Variants in AP1M1 observed in about 807,000 individuals in gnomAD.
AP1M1 encodes the protein AP-1 complex subunit mu-1.
A neutral mutation model predicts 57.1 loss-of-function variants in AP1M1; 18 were observed. The ratio of observed to expected loss-of-function variants is 0.32; its 90% CI spans 0.22 to 0.47. AP1M1 has a LOEUF of 0.47. Ranked by LOEUF, AP1M1 falls within the 20% of genes least tolerant of loss-of-function variation. The pLI, the probability that AP1M1 is intolerant of heterozygous loss-of-function variation, is 1.00. For synonymous variants in AP1M1, 241 were observed against 237.9 expected (o/e 1.01, Z -0.12); for missense variants, 362 against 593.5 (o/e 0.61, Z 4.05).
chr19:16,228,046 G>A lies in AP1M1; in HGVS notation c.817-91G>A, dbSNP rs2091578892. The A allele has an allele frequency of 1.5e-6, 2 of 1,326,774 alleles. No homozygotes were observed. The highest frequency in any genetic ancestry group is 2.1e-6 in the Non-Finnish European group (2 of 938,268). 82.2% of individuals were successfully genotyped at this position (1,326,774 alleles called of 1,614,324 possible). A position where few individuals can be genotyped will look rare whatever the true frequency, so the allele number is the denominator to read the frequency against. ...GCTCTGGGCCCACACCTGGGCAGAT[G>A]GTCCCTTGCCCTGGGCCTTGGTTTC... is the stretch of plus-strand genomic sequence containing the variant. On this transcript the variant is annotated intron_variant, in intron 7 of 11. Coordinates refer to ENST00000291439, the MANE Select transcript of AP1M1 (RefSeq NM_032493.4). The surrounding 1 kb of genome is among the most constrained non-coding windows in gnomAD (Gnocchi z 5.0).
At chr19:16,233,743 C>T (rs1188689354) in intron 10 of AP1M1, 125 bp downstream of exon 10, 9 of 1,281,006 alleles carry the variant, frequency 7.0e-6, no homozygotes, top group Non-Finnish European at 8.4e-6. Context: ...GTGCTGTGGG[C>T]CTCTGCCTCC....
intron 5 of AP1M1, among the ~76,000 whole-genome samples, chr19:16,217,268 G>T (rs1425788740): frequency 6.6e-6 from 1 of 152,080 alleles, no homozygotes; most frequent in African/African-American, 2.4e-5. Flanking sequence ...GCTCTATGCT[G>T]CCAACACTCT....
At chr19:16,199,430 G>A (rs979869768) in intron 1 of AP1M1, among the ~76,000 whole-genome samples, 101 of 152,338 alleles carry the variant, frequency 6.6e-4, no homozygotes, top group Admixed American at 6.6e-3. Context: ...GCAGGTGGCT[G>A]CCTGGCCTGT....
chr19:16,204,609 G>A (rs1009848955), intron 2 of AP1M1, among the ~76,000 whole-genome samples: 9 of 152,192 alleles, frequency 5.9e-5, no homozygotes, highest in Non-Finnish European at 1.2e-4. Context: ...TGTGGCCAAC[G>A]GGCCAGAATA....
chr19:16,203,335 C>A lies in AP1M1; in HGVS notation c.43-124C>A. On this transcript the variant is annotated intron_variant, in intron 1 of 11. Coordinates refer to ENST00000291439, the MANE Select transcript of AP1M1 (RefSeq NM_032493.4). The surrounding 1 kb of genome is among the most constrained non-coding windows in gnomAD (Gnocchi z 4.6). ...AACGGCCTCAAGTCCTGCTCTTTTG[C>A]GGATAGTGGCCATGACCGGAGTCCC... 7 of 929,396 alleles carry A rather than the reference C, an allele frequency of 7.5e-6. No individual in the cohort carries two copies. The South Asian group carries it at 9.3e-5, about 12-fold the overall frequency. 57.6% of individuals were successfully genotyped at this position (929,396 alleles called of 1,614,324 possible). A position where few individuals can be genotyped will look rare whatever the true frequency, so the allele number is the denominator to read the frequency against.
intron 2 of AP1M1, among the ~76,000 whole-genome samples, chr19:16,205,320 C>T (rs1218193321): frequency 1.3e-5 from 2 of 152,166 alleles, no homozygotes; most frequent in African/African-American, 2.4e-5. Flanking sequence ...TAGTGGACAT[C>T]GTTTCACCCC....
intron 9 of AP1M1, among the ~76,000 whole-genome samples, chr19:16,230,392 G>A (rs931985584): frequency 7.0e-6 from 1 of 142,664 alleles, no homozygotes; most frequent in African/African-American, 2.6e-5. Flanking sequence ...TCAGACTACA[G>A]TATACGGTAA....
intron 9 of AP1M1, among the ~76,000 whole-genome samples, chr19:16,229,837 A>G (rs1474584063): frequency 6.6e-6 from 1 of 152,120 alleles, no homozygotes; most frequent in Non-Finnish European, 1.5e-5. Context: ...ATTATGTGCA[A>G]GTAGAGCCAG....
intron 9 of AP1M1, 91 bp from the exon 10 acceptor site, chr19:16,233,402 G>A: frequency 2.8e-6 from 4 of 1,430,348 alleles, no homozygotes; most frequent in Non-Finnish European, 3.7e-6. Flanking sequence ...GGGGTGAGTG[G>A]TCAGTCTCTG....
At chr19:16,215,288 T>C (rs571609042) in intron 5 of AP1M1, among the ~76,000 whole-genome samples, 1 of 125,558 alleles carries the variant, frequency 8.0e-6, no homozygotes, top group Non-Finnish European at 1.7e-5. Context: ...TGGTGAAACC[T>C]GGTCTCTACT....
chr19:16,202,220 C>T (rs2091451615), intron 1 of AP1M1, among the ~76,000 whole-genome samples: 1 of 152,160 alleles, frequency 6.6e-6, no homozygotes, highest in Non-Finnish European at 1.5e-5. Context: ...AGTTCTGAGG[C>T]AGGTGGTTCC....
intron 5 of AP1M1, among the ~76,000 whole-genome samples, chr19:16,214,052 CTTT>C (rs71178658): frequency 2.2e-5 from 3 of 139,506 alleles, no homozygotes; most frequent in Admixed American, 7.3e-5. Flanking sequence ...TTTCCTTTTT[CTTT>C]TTTTTTTTTT....
intron 5 of AP1M1, among the ~76,000 whole-genome samples, chr19:16,210,127 G>C (rs2091487467): frequency 6.6e-6 from 1 of 152,198 alleles, no homozygotes; most frequent in African/African-American, 2.4e-5. Flanking sequence ...ATACAGTCAT[G>C]AGCTCTCGAG....
Position 16,226,413 on chromosome 19 carries a change from A to T in AP1M1, c.547-8A>T, listed in dbSNP as rs1599464522. ...GACCTCCCCTCACGCCCACACCGCC[A>T]CCCCCAGGTCAGCGCCAACGGCAAT... is the stretch of plus-strand genomic sequence containing the variant. On this transcript the variant is annotated splice_polypyrimidine_tract_variant and splice_region_variant and intron_variant, in intron 5 of 11. Coordinates refer to ENST00000291439, the MANE Select transcript of AP1M1 (RefSeq NM_032493.4). 1 of 1,525,704 alleles carries T rather than the reference A, an allele frequency of 6.6e-7. No homozygotes were observed. The allele number at this position is 1,525,704 out of a possible 1,614,324, so 94.5% of individuals were successfully genotyped here.
In AP1M1 at chr19:16,206,343, G is replaced by A; in HGVS notation, c.202G>A (p.Val68Ile). The A allele has an allele frequency of 6.2e-7, 1 of 1,614,144 alleles. No individual in the cohort carries two copies. Among genetic ancestry groups the A allele is most frequent in the Non-Finnish European group, 8.5e-7 (1 of 1,180,006 alleles). ...MWIKHNNLYL[V>I]ATSKKNACVS... ...CCTTAACTGTGGCCGCCATGCAGTGGTTGCCACATCCAAGAAGAACGCGTG... is the reference window on the plus strand; with the variant it reads ...CCTTAACTGTGGCCGCCATGCAGTGATTGCCACATCCAAGAAGAACGCGTG... The change falls in exon 3 of 12, where the codon GTT (valine) becomes ATT (isoleucine). Residue 68 changes from valine (V) to isoleucine (I), a missense_variant and splice_region_variant. Around this residue, in one of 2 missense-constraint regions of AP1M1, gnomAD observed 337 missense variants for 511.1 expected, o/e 0.66. Coordinates refer to ENST00000291439, the MANE Select transcript of AP1M1 (RefSeq NM_032493.4). The surrounding 1 kb of genome is among the most constrained non-coding windows in gnomAD (Gnocchi z 4.3).
intron 5 of AP1M1, among the ~76,000 whole-genome samples, chr19:16,220,818 A>G (rs2145130666): frequency 6.6e-6 from 1 of 152,288 alleles, no homozygotes; most frequent in Non-Finnish European, 1.5e-5. Context: ...CTGGATATGG[A>G]CTTCTGAATT....
At chr19:16,226,848 C>G (rs10469463) in intron 6 of AP1M1, 2 of 271,404 alleles carry the variant, frequency 7.4e-6, no homozygotes, top group Non-Finnish European at 1.4e-5. Context: ...TAAGGCCTTG[C>G]TCTCTCCCTC....
At position 16,243,719 on chromosome 19, in the gene AP1M1, A is replaced by G. The variant is rs1274866250; in HGVS notation, c.*9284A>G. The G allele has an allele frequency of 1.3e-5, 2 of 152,098 alleles. No homozygotes were observed. Among genetic ancestry groups the G allele is most frequent in the East Asian group, 1.9e-4 (1 of 5,184 alleles). 9.4% of individuals were successfully genotyped at this position (152,098 alleles called of 1,614,324 possible). A position where few individuals can be genotyped will look rare whatever the true frequency, so the allele number is the denominator to read the frequency against. On this transcript the variant is annotated 3_prime_UTR_variant, in exon 12 of 12. Transcript: ENST00000291439. The stretch of plus-strand genomic sequence containing the variant: ...CACTTTAGGAGGCTGAAGCAGGTGA[A>G]TCACTTGAGCTCAGGAGTTCGAGAC...
At chr19:16,219,833 C>A (rs533258010) in intron 5 of AP1M1, among the ~76,000 whole-genome samples, 1 of 152,302 alleles carries the variant, frequency 6.6e-6, no homozygotes, top group East Asian at 1.9e-4. Flanking sequence ...GGTATGGAAT[C>A]TTCTACTTTT....
Sources: allele counts gnomAD v4.1 joint callset (sites outside exome capture counted in the v4.1 genomes callset), GRCh38; gene constraint gnomAD v4.1.1; regional missense constraint gnomAD v4.1.1; non-coding constraint Gnocchi (gnomAD v3.1); transcripts MANE v1.5; gene names NCBI Gene and HGNC (gene_info 2026-07-23, HGNC 2026-07-21).